Variants in COL4A5 observed in about 807,000 individuals in gnomAD.
COL4A5 encodes collagen alpha-5(IV) chain.
In COL4A5, 26 loss-of-function variants were observed where a neutral mutation model predicts 130.2. The ratio of observed to expected loss-of-function variants is 0.20; its 90% CI spans 0.15 to 0.28. The LOEUF is 0.28. Among genes scored for constraint, COL4A5 ranks in the 10% least tolerant of loss-of-function variants. COL4A5 has a pLI of 1.00. For synonymous variants in COL4A5, 496 were observed against 439.6 expected (o/e 1.13, Z -1.60); for missense variants, 1,131 against 1,344.3 (o/e 0.84, Z 2.48).
chrX:108,506,087 A>G (rs2065120771), intron 1 of COL4A5, among the ~76,000 whole-genome samples: 1 of 111,885 alleles, frequency 8.9e-6, no homozygotes, highest in Admixed American at 9.5e-5. Flanking sequence ...GACTAATGGG[A>G]GTGTCCACAA....
chrX:108,576,569 G>A (rs1312398359), intron 10 of COL4A5, among the ~76,000 whole-genome samples: 1 of 112,058 alleles, frequency 8.9e-6, no homozygotes, highest in Non-Finnish European at 1.9e-5. Flanking sequence ...GCAATACTTA[G>A]ATTTCATTCA....
At chrX:108,659,723 A>G in intron 37 of COL4A5, among the ~76,000 whole-genome samples, 1 of 110,772 alleles carries the variant, frequency 9.0e-6, no homozygotes, top group Non-Finnish European at 1.9e-5. Context: ...CAGATTCTTT[A>G]TACTTAGTAC....
rs200908871 is a variant in COL4A5, at chrX:108,598,780, A to G, written c.1858A>G (p.Met620Val). 5.0e-6 allele frequency: 6 copies of G among 1,209,404 alleles called. No homozygotes were observed. In the South Asian group the frequency reaches 7.0e-5, roughly 14 times the overall value. The change falls in exon 25 of 53, where the codon ATG (methionine) becomes GTG (valine). Residue 620 changes from methionine to valine, a missense_variant. Met to Val is a conservative substitution (Grantham distance 21, BLOSUM62 1). Transcript: ENST00000328300. Reference sequence around the variant, plus strand: ...AGGCCTCCCAGGGAATATAGGGCCTATGGGTCCCCCTGGTTTCGGCCCTCC... The same window carrying G: ...AGGCCTCCCAGGGAATATAGGGCCTGTGGGTCCCCCTGGTTTCGGCCCTCC... Reference protein sequence around the residue: ...LPGLPGNIGPMGPPGFGPPGP... With the variant: ...LPGLPGNIGPVGPPGFGPPGP...
At chrX:108,451,294 G>A (rs1423649671) in intron 1 of COL4A5, among the ~76,000 whole-genome samples, 3 of 110,290 alleles carry the variant, frequency 2.7e-5, no homozygotes, top group Non-Finnish European at 5.7e-5. Context: ...GAATAGTGCT[G>A]CAATAAACAT....
chrX:108,444,647 C>T (rs958342775), intron 1 of COL4A5, among the ~76,000 whole-genome samples: 18 of 112,179 alleles, frequency 1.6e-4, no homozygotes, highest in African/African-American at 5.8e-4. Flanking sequence ...ATGCTTATTG[C>T]TACTGAGGTG....
At chrX:108,602,832 G>A (rs748563262) in intron 27 of COL4A5, 132 bp from the exon 28 acceptor site, 1 of 508,847 alleles carries the variant, frequency 2.0e-6, no homozygotes, top group East Asian at 3.7e-5. Context: ...ATCCTAAGTA[G>A]TAGAATGTCA....
intron 2 of COL4A5, among the ~76,000 whole-genome samples, chrX:108,549,578 G>A (rs1157519043): frequency 9.0e-6 from 1 of 111,048 alleles, no homozygotes; most frequent in Non-Finnish European, 1.9e-5. Flanking sequence ...TTTGGAATGG[G>A]GTTAAAGCAG....
At chrX:108,554,292 A>T (rs1365423948) in intron 2 of COL4A5, among the ~76,000 whole-genome samples, 1 of 111,904 alleles carries the variant, frequency 8.9e-6, no homozygotes, top group Admixed American at 9.5e-5. Context: ...ACTTACAGTC[A>T]TGGCAGAAGG....
chrX:108,525,594 T>A (rs1271404964), intron 1 of COL4A5, among the ~76,000 whole-genome samples: 1 of 111,982 alleles, frequency 8.9e-6, no homozygotes, highest in Non-Finnish European at 1.9e-5. Flanking sequence ...CTTCTTTTTT[T>A]TTATTAAGTG....
At chrX:108,666,166 G>C (rs967008559) in intron 38 of COL4A5, among the ~76,000 whole-genome samples, 1 of 111,547 alleles carries the variant, frequency 9.0e-6, no homozygotes, top group Non-Finnish European at 1.9e-5. Flanking sequence ...TAGAATGGCA[G>C]GCTGTAGTAA....
At chrX:108,531,563 A>C (rs1603265561) in intron 1 of COL4A5, among the ~76,000 whole-genome samples, 1 of 109,995 alleles carries the variant, frequency 9.1e-6, no homozygotes, top group Non-Finnish European at 1.9e-5. Flanking sequence ...AGCAAGAACA[A>C]ACCAAATCGA....
intron 1 of COL4A5, among the ~76,000 whole-genome samples, chrX:108,484,398 A>G (rs752292643): frequency 9.0e-6 from 1 of 111,507 alleles, no homozygotes; most frequent in African/African-American, 3.3e-5. Context: ...GGCATTGAAT[A>G]GTTAGGTAGT....
chrX:108,478,677 A>T (rs1053427012), intron 1 of COL4A5, among the ~76,000 whole-genome samples: 2 of 111,832 alleles, frequency 1.8e-5, no homozygotes, highest in Non-Finnish European at 3.8e-5. Flanking sequence ...CCACTGCCAC[A>T]CTGCTTTAGC....
intron 36 of COL4A5, among the ~76,000 whole-genome samples, chrX:108,631,789 G>T (rs1390938954): frequency 9.0e-6 from 1 of 111,084 alleles, no homozygotes; most frequent in Non-Finnish European, 1.9e-5. Context: ...TCAATGAAAA[G>T]AAAGACAACA....
chrX:108,503,841 G>A (rs2065101733), intron 1 of COL4A5, among the ~76,000 whole-genome samples: 1 of 111,758 alleles, frequency 8.9e-6, no homozygotes, highest in African/African-American at 3.3e-5. Context: ...CAGATTCAAT[G>A]CAATACCTAT....
intron 36 of COL4A5, among the ~76,000 whole-genome samples, chrX:108,636,102 C>T (rs375703401): frequency 2.8e-4 from 31 of 111,639 alleles, no homozygotes; most frequent in African/African-American, 9.8e-4. Flanking sequence ...CACCTGCATA[C>T]ATAACCCCTG....
intron 29 of COL4A5, among the ~76,000 whole-genome samples, chrX:108,612,506 G>A (rs2066854584): frequency 9.0e-6 from 1 of 111,208 alleles, no homozygotes; most frequent in Non-Finnish European, 1.9e-5. Context: ...TACTATCAAT[G>A]AACAACTAGA....
At chrX:108,588,767 A>G (rs1369761656) in intron 19 of COL4A5, among the ~76,000 whole-genome samples, 1 of 111,691 alleles carries the variant, frequency 9.0e-6, no homozygotes, top group Non-Finnish European at 1.9e-5. Context: ...CTTAAAAACT[A>G]TTTGAGAACA....
At chrX:108,489,795 G>T (rs754752997) in intron 1 of COL4A5, among the ~76,000 whole-genome samples, 1 of 111,401 alleles carries the variant, frequency 9.0e-6, no homozygotes, top group Non-Finnish European at 1.9e-5. Context: ...CTTTAGTGCG[G>T]GATGTTATTT....
Sources: allele counts gnomAD v4.1 joint callset (sites outside exome capture counted in the v4.1 genomes callset), GRCh38; gene constraint gnomAD v4.1.1; transcripts MANE v1.5; gene names NCBI Gene and HGNC (gene_info 2026-07-23, HGNC 2026-07-21).